The following EPB41L1 variants were observed in gnomAD, a reference collection of about 807,000 sequenced individuals.
The protein encoded by EPB41L1 is band 4.1-like protein 1.
Under a neutral mutation model 97.8 loss-of-function variants are expected in EPB41L1, and 29 were observed. The observed-to-expected ratio is 0.30, with a 90% confidence interval of 0.22 to 0.40. The LOEUF (loss-of-function observed/expected upper bound fraction) is 0.40. EPB41L1 is among the 10% of genes least tolerant of loss of function. The pLI, the probability that EPB41L1 is intolerant of heterozygous loss-of-function variation, is 1.00. For synonymous variants in EPB41L1, 383 were observed against 459.2 expected, an observed-to-expected ratio of 0.83 and a Z score of 2.12; for missense variants, 812 against 1,162.3, an observed-to-expected ratio of 0.70 and a Z score of 4.38.
At chr20:36,155,171 G>C (rs1335392563) in intron 1 of EPB41L1, 1 of 456,938 alleles carries the variant, frequency 2.2e-6, no homozygotes, top group African/African-American at 2.0e-5. Context: ...GGCTCCCACC[G>C]GCTGGCCCAG....
intron 2 of EPB41L1, among the ~76,000 whole-genome samples, chr20:36,135,366 C>A (rs1356847698): frequency 1.3e-5 from 2 of 152,124 alleles, no homozygotes; most frequent in African/African-American, 2.4e-5. Context: ...CCTCCAGAGC[C>A]CACGGTCTTG....
chr20:36,190,352 A>G lies in EPB41L1; in HGVS notation c.1102A>G (p.Ile368Val). The G allele has an allele frequency of 6.2e-7, 1 of 1,614,196 alleles. No homozygotes were observed. Among genetic ancestry groups the G allele is most frequent in the East Asian group, 2.2e-5 (1 of 44,880 alleles). ...RSAKRLWKVC[I>V]EHHTFFRLVS... is the part of the protein sequence containing the mutation. ...AGCCAAGAGACTGTGGAAGGTCTGC[A>G]TCGAGCATCATACATTCTTCCGGTG... Residue 368 changes from isoleucine (I) to valine (V), a missense_variant, in exon 10 of 22, where the codon ATC becomes GTC. Physicochemically the swap from Ile to Val is conservative, Grantham distance 29 (BLOSUM62 3). Around this residue, in one of 3 missense-constraint regions of EPB41L1, gnomAD observed 230 missense variants for 445.2 expected, o/e 0.52. Coordinates refer to ENST00000338074, the MANE Select transcript of EPB41L1 (RefSeq NM_012156.2). This position sits in a 1 kb window ranked among gnomAD's most constrained non-coding sequence, Gnocchi z 5.8.
At chr20:36,097,047 G>T (rs1426396885) in intron 1 of EPB41L1, among the ~76,000 whole-genome samples, 3 of 152,374 alleles carry the variant, frequency 2.0e-5, no homozygotes, top group East Asian at 3.9e-4. Context: ...GTGGAGGCAG[G>T]AGGAGGCTCC....
chr20:36,164,087 A>G (rs1422691837), intron 1 of EPB41L1, among the ~76,000 whole-genome samples: 1 of 151,960 alleles, frequency 6.6e-6, no homozygotes, highest in East Asian at 1.9e-4. Context: ...CAAGTCATCC[A>G]CCCACCTTGG....
intron 2 of EPB41L1, among the ~76,000 whole-genome samples, chr20:36,117,455 C>A (rs2147642960): frequency 1.3e-5 from 2 of 152,314 alleles, no homozygotes; most frequent in African/African-American, 2.4e-5. Context: ...TAGGATCCTT[C>A]AACCCCATGG....
chr20:36,101,301 C>A (rs1014779321), intron 1 of EPB41L1, among the ~76,000 whole-genome samples: 1 of 152,094 alleles, frequency 6.6e-6, no homozygotes, highest in African/African-American at 2.4e-5. Flanking sequence ...AATAGGAAAC[C>A]TGCTCTCACC....
chr20:36,182,296 C>G lies in EPB41L1; in HGVS notation c.515C>G (p.Thr172Arg). 6.2e-7 allele frequency: 1 copy of G among 1,614,088 alleles called. No homozygotes were observed. Among genetic ancestry groups the G allele is most frequent in the South Asian group, 1.1e-5 (1 of 91,082 alleles). The change falls in exon 6 of 22, where the codon ACA (threonine) becomes AGA (arginine). Residue 172 changes from threonine to arginine, a missense_variant. Physicochemically the swap from Thr to Arg is moderately conservative, Grantham distance 71 (BLOSUM62 -1). Transcript: ENST00000338074. ...IRSSPWNFAF[T>R]VKFYPPDPAQ... is the part of the protein sequence containing the mutation. ...GGTAGCCCCTGGAATTTTGCCTTCA[C>G]AGTCAAGTTCTACCCGCCTGATCCT...
intron 2 of EPB41L1, among the ~76,000 whole-genome samples, chr20:36,140,828 G>A (rs1393693928): frequency 1.3e-5 from 2 of 152,126 alleles, no homozygotes; most frequent in East Asian, 3.9e-4. Flanking sequence ...CCATGAGAGA[G>A]CCCGACTAGC....
At chr20:36,152,097 A>T (rs2145440663), upstream of EPB41L1, 1 of 151,778 alleles carries the variant, frequency 6.6e-6, no homozygotes, top group African/African-American at 2.4e-5. Context: ...ACAGAGCGAG[A>T]CTCCGTCTCA....
intron 2 of EPB41L1, among the ~76,000 whole-genome samples, chr20:36,149,192 G>A (rs1415151790): frequency 1.3e-5 from 2 of 152,156 alleles, no homozygotes; most frequent in African/African-American, 2.4e-5. Flanking sequence ...AGAGGCTAAG[G>A]CCTTGCTCAA....
intron 9 of EPB41L1, among the ~76,000 whole-genome samples, chr20:36,189,176 C>T (rs1235977771): frequency 2.0e-5 from 3 of 152,170 alleles, no homozygotes; most frequent in South Asian, 4.2e-4. Flanking sequence ...CTCTCCATCA[C>T]ACCCGCCTCC....
At chr20:36,182,228 T>C (rs1250348969) in intron 5 of EPB41L1, 44 bp from the exon 6 acceptor site, 2 of 1,573,862 alleles carry the variant, frequency 1.3e-6, no homozygotes, top group East Asian at 4.5e-5. Context: ...GACCACCCAG[T>C]GGGGTGTTAG....
At chr20:36,216,708 A>G (rs2063466205) in intron 17 of EPB41L1, among the ~76,000 whole-genome samples, 1 of 152,188 alleles carries the variant, frequency 6.6e-6, no homozygotes, top group South Asian at 2.1e-4. Flanking sequence ...AGAAGGGAAC[A>G]TCCCGGGGCT....
At chr20:36,201,724 C>T (rs577444938) in intron 14 of EPB41L1, among the ~76,000 whole-genome samples, 117 of 152,152 alleles carry the variant, frequency 7.7e-4, no homozygotes, top group Non-Finnish European at 1.5e-3. Context: ...TTTGAACTTC[C>T]TGTGGCCCTT....
At chr20:36,140,829 C>G (rs956488628) in intron 2 of EPB41L1, among the ~76,000 whole-genome samples, 2 of 152,266 alleles carry the variant, frequency 1.3e-5, no homozygotes, top group East Asian at 3.9e-4. Flanking sequence ...CATGAGAGAG[C>G]CCGACTAGCC....
intron 21 of EPB41L1, among the ~76,000 whole-genome samples, chr20:36,225,445 G>T (rs2064071517): frequency 6.6e-6 from 1 of 152,170 alleles, no homozygotes; most frequent in Non-Finnish European, 1.5e-5. Context: ...GACCTGTATT[G>T]CCTGGGAATC....
Position 36,146,419 on chromosome 20 carries a change from A to G in EPB41L1, c.-9-29132A>G, listed in dbSNP as rs547647072. 4.6e-5 allele frequency among the ~76,000 whole-genome samples: 7 copies of G among 152,334 alleles called. No homozygotes were observed. In the South Asian group the frequency reaches 1.2e-3, roughly 27 times the overall value. Reference sequence around the variant, plus strand: ...GCCAATGGTTATTTTAGGCAGGGAGATAAAAGCCACAGAGGGCCCAGTTGG... The same window carrying G: ...GCCAATGGTTATTTTAGGCAGGGAGGTAAAAGCCACAGAGGGCCCAGTTGG... On this transcript the variant is annotated intron_variant, in intron 2 of 19. Coordinates refer to the EPB41L1 transcript ENST00000202028.
intron 1 of EPB41L1, chr20:36,109,833 T>C (rs1030420669): frequency 2.0e-5 from 3 of 152,190 alleles, no homozygotes; most frequent in African/African-American, 7.2e-5. Context: ...TGGAGCCAGC[T>C]AATGCCACCA....
At chr20:36,131,713 G>C (rs1373778762) in intron 2 of EPB41L1, among the ~76,000 whole-genome samples, 1 of 152,208 alleles carries the variant, frequency 6.6e-6, no homozygotes, top group East Asian at 1.9e-4. Context: ...CAGGCCTAGA[G>C]AGAGGAAGGG....
Sources: gnomAD v4.1 joint callset for allele counts (sites outside exome capture counted in the v4.1 genomes callset) on GRCh38, gnomAD v4.1.1 for gene constraint, gnomAD v4.1.1 regional missense constraint, Gnocchi (gnomAD v3.1) non-coding constraint, MANE v1.5 for transcripts, NCBI Gene and HGNC (gene_info 2026-07-23, HGNC 2026-07-21) for gene names.